NPAS2: variants seen among roughly 807,000 people sequenced by gnomAD.
NPAS2 encodes neuronal PAS domain protein 2.
Under a neutral mutation model 107.5 loss-of-function variants are expected in NPAS2, and 23 were observed. That is an observed-to-expected ratio of 0.21 (90% CI 0.15 to 0.30). The LOEUF (loss-of-function observed/expected upper bound fraction) is 0.30. NPAS2 is among the 10% of genes least tolerant of loss of function. The probability of loss-of-function intolerance (pLI) is 1.00; values close to 1 mark genes in which losing one functional copy is unlikely to be tolerated. For missense variants in NPAS2, 756 were observed against 1,043.3 expected, an observed-to-expected ratio of 0.72 and a Z score of 3.79; for synonymous variants, 403 against 417.5, an observed-to-expected ratio of 0.97 and a Z score of 0.42.
intron 1 of NPAS2, among the ~76,000 whole-genome samples, chr2:100,825,071 T>G (rs1464615357): frequency 1.3e-5 from 2 of 152,196 alleles, no homozygotes; most frequent in African/African-American, 2.4e-5. Flanking sequence ...TTTGTTGCTT[T>G]GCTGAAGGCC....
chr2:100,848,601 C>T (rs1056550830), intron 1 of NPAS2, among the ~76,000 whole-genome samples: 3 of 152,192 alleles, frequency 2.0e-5, no homozygotes, highest in Admixed American at 1.3e-4. Context: ...GAGAGGAATA[C>T]ATACGTGCCA....
intron 2 of NPAS2, among the ~76,000 whole-genome samples, chr2:100,918,936 AC>A (rs1345597068): frequency 9.2e-5 from 14 of 152,330 alleles, no homozygotes; most frequent in Admixed American, 9.1e-4. Context: ...AAAAACCTGT[AC>A]ACCAATGGGC....
At chr2:100,955,536 C>T (rs1261723657) in intron 7 of NPAS2, among the ~76,000 whole-genome samples, 1 of 152,238 alleles carries the variant, frequency 6.6e-6, no homozygotes, top group Non-Finnish European at 1.5e-5. Context: ...CTCCACAATA[C>T]ACTCTGGGGA....
chr2:100,892,107 G>A (rs1461319761), intron 1 of NPAS2, among the ~76,000 whole-genome samples: 3 of 152,102 alleles, frequency 2.0e-5, no homozygotes, highest in African/African-American at 7.2e-5. Context: ...TGTGCCATCC[G>A]AACTCTTGAT....
intron 1 of NPAS2, among the ~76,000 whole-genome samples, chr2:100,887,799 A>AG (rs1680804865): frequency 6.6e-6 from 1 of 151,848 alleles, no homozygotes; most frequent in Admixed American, 6.6e-5. Flanking sequence ...GGATCAGCCG[A>AG]GGGCCTGGGC....
At chr2:100,899,066 T>A (rs760832105) in intron 1 of NPAS2, among the ~76,000 whole-genome samples, 8 of 151,974 alleles carry the variant, frequency 5.3e-5, no homozygotes, top group Non-Finnish European at 1.0e-4. Flanking sequence ...CTCCTCAAAA[T>A]TGTCAAGGCC....
chr2:100,823,932 A>G (rs928152558), intron 1 of NPAS2, among the ~76,000 whole-genome samples: 1 of 152,174 alleles, frequency 6.6e-6, no homozygotes, highest in Non-Finnish European at 1.5e-5. Flanking sequence ...TAAAATGCAG[A>G]TTTTGAAGTC....
chr2:100,967,418 G>A (rs1011578840), intron 10 of NPAS2, among the ~76,000 whole-genome samples: 4 of 151,556 alleles, frequency 2.6e-5, no homozygotes, highest in Admixed American at 2.6e-4. Flanking sequence ...AGTAGAGATG[G>A]GGTCTCACCG....
At chr2:100,876,001 A>G (rs1384466325) in intron 1 of NPAS2, among the ~76,000 whole-genome samples, 2 of 152,218 alleles carry the variant, frequency 1.3e-5, no homozygotes, top group Non-Finnish European at 2.9e-5. Context: ...TTTAGCCTCA[A>G]AAATGCTATA....
chr2:100,955,965 C>T (rs1347666826), intron 7 of NPAS2, among the ~76,000 whole-genome samples: 1 of 152,108 alleles, frequency 6.6e-6, no homozygotes, highest in Non-Finnish European at 1.5e-5. Context: ...AGTGCAGTAG[C>T]ACCATCATGG....
chr2:100,958,022 C>T (rs1428137699), intron 7 of NPAS2, among the ~76,000 whole-genome samples: 1 of 152,182 alleles, frequency 6.6e-6, no homozygotes, highest in Non-Finnish European at 1.5e-5. Flanking sequence ...TTTCTCTGAG[C>T]CTTTTTGCTC....
intron 1 of NPAS2, among the ~76,000 whole-genome samples, chr2:100,862,453 C>T (rs1223560135): frequency 1.3e-5 from 2 of 152,034 alleles, no homozygotes; most frequent in Admixed American, 1.3e-4. Flanking sequence ...GTTTCATTGC[C>T]TCGTAGCTTA....
chr2:100,947,507 A>G (rs993804643), intron 5 of NPAS2, among the ~76,000 whole-genome samples: 4 of 151,044 alleles, frequency 2.6e-5, no homozygotes, highest in Non-Finnish European at 4.4e-5. Context: ...AGCCGAGATC[A>G]CACCATTGCA....
At chr2:100,913,786 G>T (rs181921918) in intron 2 of NPAS2, among the ~76,000 whole-genome samples, 2 of 152,196 alleles carry the variant, frequency 1.3e-5, no homozygotes, top group Non-Finnish European at 2.9e-5. Flanking sequence ...CTATGCATGC[G>T]TTCTTGTGAA....
chr2:100,876,091 T>C (rs1679949090), intron 1 of NPAS2, among the ~76,000 whole-genome samples: 1 of 152,208 alleles, frequency 6.6e-6, no homozygotes, highest in Admixed American at 6.5e-5. Flanking sequence ...TTTTTTTGTT[T>C]GAGTAAATGA....
intron 2 of NPAS2, among the ~76,000 whole-genome samples, chr2:100,922,762 G>A (rs953088415): frequency 2.0e-5 from 3 of 152,114 alleles, no homozygotes; most frequent in Admixed American, 6.5e-5. Context: ...AGCTGACAGC[G>A]ACCAGTTTCC....
chr2:100,967,294 T>G (rs1171653433), intron 10 of NPAS2, among the ~76,000 whole-genome samples: 1 of 138,144 alleles, frequency 7.2e-6, no homozygotes, highest in East Asian at 2.5e-4. Context: ...TCACCCAGTC[T>G]CGGCTCGCTG....
intron 1 of NPAS2, among the ~76,000 whole-genome samples, chr2:100,843,184 A>G (rs1344089218): frequency 5.4e-5 from 8 of 148,942 alleles, no homozygotes; most frequent in African/African-American, 7.5e-5. Context: ...GCACCACTGC[A>G]CTCCAGCCTG....
At chr2:100,916,858 A>T (rs998370856) in intron 2 of NPAS2, among the ~76,000 whole-genome samples, 1 of 152,238 alleles carries the variant, frequency 6.6e-6, no homozygotes, top group African/African-American at 2.4e-5. Flanking sequence ...AAAAATTAGA[A>T]ACAGAAAGAT....
Sources: allele counts gnomAD v4.1 joint callset (sites outside exome capture counted in the v4.1 genomes callset), GRCh38; gene constraint gnomAD v4.1.1; transcripts MANE v1.5; gene names NCBI Gene and HGNC (gene_info 2026-07-23, HGNC 2026-07-21).